The following SUPT3H variants were observed in gnomAD, a reference collection of about 807,000 sequenced individuals.
SUPT3H encodes transcription initiation protein SPT3 homolog.
Under a neutral mutation model 44.3 loss-of-function variants are expected in SUPT3H, and 44 were observed. That is an observed-to-expected ratio of 0.99 (90% CI 0.78 to 1.28). SUPT3H has a LOEUF of 1.28. SUPT3H is among the 50% of genes most tolerant of loss of function. The probability of loss-of-function intolerance (pLI) is 0.00; values close to 1 mark genes in which losing one functional copy is unlikely to be tolerated. For synonymous variants in SUPT3H, 124 were observed against 125.6 expected (o/e 0.99, Z 0.09); for missense variants, 380 against 387.1 (o/e 0.98, Z 0.15).
At chr6:44,868,473 T>C (rs1048903549) in intron 10 of SUPT3H, among the ~76,000 whole-genome samples, 18 of 152,232 alleles carry the variant, frequency 1.2e-4, no homozygotes, top group African/African-American at 3.6e-4. Context: ...CTGTGTCTCA[T>C]AATGCTTCTG....
intron 3 of SUPT3H, among the ~76,000 whole-genome samples, chr6:45,039,144 C>T (rs1000580684): frequency 1.1e-4 from 16 of 152,222 alleles, no homozygotes; most frequent in South Asian, 4.1e-4. Flanking sequence ...AACATAATTT[C>T]CTCTTTATTG....
chr6:44,817,757 C>T (rs1322462804), intron 11 of SUPT3H, among the ~76,000 whole-genome samples: 1 of 151,944 alleles, frequency 6.6e-6, no homozygotes, highest in African/African-American at 2.4e-5. Context: ...CATGAAATAT[C>T]CATGCACGAA....
At chr6:45,008,951 G>A (rs1172444280) in intron 5 of SUPT3H, among the ~76,000 whole-genome samples, 1 of 152,110 alleles carries the variant, frequency 6.6e-6, no homozygotes. Flanking sequence ...ATGTTGGCCA[G>A]GCTGGTCTTG....
chr6:45,138,621 C>CTG (rs909561156), intron 2 of SUPT3H, among the ~76,000 whole-genome samples: 1 of 150,498 alleles, frequency 6.6e-6, no homozygotes. Context: ...GTGTGTGTGT[C>CTG]TGTGTGTGTG....
At chr6:44,838,815 A>G (rs1770404583) in intron 10 of SUPT3H, among the ~76,000 whole-genome samples, 1 of 152,226 alleles carries the variant, frequency 6.6e-6, no homozygotes, top group Non-Finnish European at 1.5e-5. Context: ...ATAGGGGGGC[A>G]TGCCTCTTCC....
intron 2 of SUPT3H, among the ~76,000 whole-genome samples, chr6:45,114,165 A>C (rs938674531): frequency 6.6e-6 from 1 of 152,144 alleles, no homozygotes; most frequent in African/African-American, 2.4e-5. Flanking sequence ...AAAGGTAAAC[A>C]CATAATACCT....
chr6:44,865,906 G>T (rs189215729), intron 10 of SUPT3H, among the ~76,000 whole-genome samples: 1 of 152,180 alleles, frequency 6.6e-6, no homozygotes, highest in Non-Finnish European at 1.5e-5. Flanking sequence ...CAAGATGGGG[G>T]AGACCTGAGT....
At chr6:45,244,266 T>C (rs915432401) in intron 2 of SUPT3H, among the ~76,000 whole-genome samples, 20 of 152,246 alleles carry the variant, frequency 1.3e-4, no homozygotes, top group African/African-American at 4.8e-4. Context: ...ATCACAAATC[T>C]TTTTCCTACT....
intron 3 of SUPT3H, among the ~76,000 whole-genome samples, chr6:45,058,328 T>A (rs1245940450): frequency 2.0e-5 from 3 of 152,144 alleles, no homozygotes; most frequent in Non-Finnish European, 4.4e-5. Flanking sequence ...TACCTTAGTT[T>A]CCTCATCTGG....
intron 2 of SUPT3H, among the ~76,000 whole-genome samples, chr6:45,107,012 T>G (rs1307771171): frequency 1.3e-5 from 2 of 152,128 alleles, no homozygotes; most frequent in Non-Finnish European, 2.9e-5. Flanking sequence ...TAAGAAAAAT[T>G]TATGTAAATA....
At chr6:45,324,864 C>A (rs781026807) in intron 2 of SUPT3H, among the ~76,000 whole-genome samples, 12 of 151,826 alleles carry the variant, frequency 7.9e-5, no homozygotes, top group Non-Finnish European at 1.6e-4. Flanking sequence ...CGCAATAAGA[C>A]AAATGTGCAT....
intron 3 of SUPT3H, among the ~76,000 whole-genome samples, chr6:45,059,971 C>A (rs1791726393): frequency 6.6e-6 from 1 of 152,068 alleles, no homozygotes. Flanking sequence ...GAATAACATT[C>A]CATGCTCATA....
intron 2 of SUPT3H, among the ~76,000 whole-genome samples, chr6:45,292,239 G>A (rs765948713): frequency 3.3e-5 from 5 of 152,178 alleles, no homozygotes; most frequent in South Asian, 4.2e-4. Context: ...AACAAATGCC[G>A]AGAGAATTCG....
chr6:45,278,121 C>T (rs1241603016), intron 2 of SUPT3H, among the ~76,000 whole-genome samples: 1 of 57,228 alleles, frequency 1.7e-5, no homozygotes, highest in Non-Finnish European at 3.2e-5. Context: ...TGGGGCCTGT[C>T]GGCAGTGGGT....
intron 10 of SUPT3H, among the ~76,000 whole-genome samples, chr6:44,830,192 T>TA (rs1768378306): frequency 6.6e-6 from 1 of 152,200 alleles, no homozygotes; most frequent in African/African-American, 2.4e-5. Flanking sequence ...CTCTATTCGA[T>TA]ATGCTCAGGA....
chr6:45,226,280 G>A (rs1766918778), intron 2 of SUPT3H, among the ~76,000 whole-genome samples: 1 of 151,958 alleles, frequency 6.6e-6, no homozygotes, highest in Non-Finnish European at 1.5e-5. Flanking sequence ...ACCAGGGGAT[G>A]TACACTATAC....
intron 7 of SUPT3H, chr6:44,955,148 A>T (rs2153474560): frequency 6.4e-6 from 1 of 156,212 alleles, no homozygotes; most frequent in Admixed American, 6.4e-5. Flanking sequence ...GTAGAGCAGC[A>T]CGTGGAGACC....
intron 2 of SUPT3H, among the ~76,000 whole-genome samples, chr6:45,151,264 T>G (rs1305871426): frequency 6.6e-6 from 1 of 152,142 alleles, no homozygotes; most frequent in East Asian, 1.9e-4. Context: ...AGCTTTATTT[T>G]TTCATCTAGT....
rs551134035 is a variant in SUPT3H at position 44,883,122 on chromosome 6, T to A, written c.912+49531A>T. On this transcript the variant is annotated intron_variant, in intron 10 of 10. Transcript: ENST00000371459. ...TCTCTGTTTGCAGGTGACATGATTGTATATTTAGAAAACTCAATCATCTCA... is the reference window on the plus strand; with the variant it reads ...TCTCTGTTTGCAGGTGACATGATTGAATATTTAGAAAACTCAATCATCTCA... Among the ~76,000 whole-genome samples, 21 of 152,336 alleles carry A rather than the reference T, an allele frequency of 1.4e-4. No individual in the cohort carries two copies. In the Middle Eastern group the frequency reaches 0.01, roughly 74 times the overall value.
Sources: gnomAD v4.1 joint callset for allele counts (sites outside exome capture counted in the v4.1 genomes callset) on GRCh38, gnomAD v4.1.1 for gene constraint, MANE v1.5 for transcripts, NCBI Gene and HGNC (gene_info 2026-07-23, HGNC 2026-07-21) for gene names.